The following CSMD1 variants were observed in gnomAD, a reference collection of about 807,000 sequenced individuals.
The protein encoded by CSMD1 is CUB and sushi domain-containing protein 1.
In CSMD1, 213 loss-of-function variants were observed where a neutral mutation model predicts 417.5. The ratio of observed to expected loss-of-function variants is 0.51; its 90% CI spans 0.46 to 0.57. CSMD1 has a LOEUF of 0.57. CSMD1 is among the 20% of genes least tolerant of loss of function. CSMD1 has a pLI of 0.00. For synonymous variants in CSMD1, 2,862 were observed against 1,736.8 expected (o/e 1.65, Z -16.11); for missense variants, 6,923 against 4,529.7 (o/e 1.53, Z -15.17).
intron 2 of CSMD1, among the ~76,000 whole-genome samples, chr8:4,518,050 G>A (rs1354200754): frequency 6.6e-6 from 1 of 152,088 alleles, no homozygotes; most frequent in Non-Finnish European, 1.5e-5. Flanking sequence ...CACAGCTCAC[G>A]GAAAGGTTTA....
intron 4 of CSMD1, among the ~76,000 whole-genome samples, chr8:4,019,810 C>T (rs766319537): frequency 3.5e-4 from 53 of 151,860 alleles, no homozygotes; most frequent in Admixed American, 2.0e-4. Flanking sequence ...CCACACAGGC[C>T]TTTCTTTCAC....
At chr8:4,475,056 G>C (rs983733852) in intron 2 of CSMD1, among the ~76,000 whole-genome samples, 1 of 152,110 alleles carries the variant, frequency 6.6e-6, no homozygotes, top group African/African-American at 2.4e-5. Context: ...CCTAACCTCT[G>C]TGTTATTCAA....
chr8:4,762,746 T>C (rs1331929862), intron 1 of CSMD1, among the ~76,000 whole-genome samples: 1 of 152,128 alleles, frequency 6.6e-6, no homozygotes, highest in Non-Finnish European at 1.5e-5. Context: ...CTCAATTCAG[T>C]GCTCCTGCAG....
chr8:3,630,657 T>C (rs1796736057), intron 7 of CSMD1, among the ~76,000 whole-genome samples: 1 of 152,156 alleles, frequency 6.6e-6, no homozygotes, highest in African/African-American at 2.4e-5. Flanking sequence ...ACAGATTTCA[T>C]TGCGTTCGAG....
chr8:3,052,722 T>A, intron 49 of CSMD1, 75 bp from the exon 50 acceptor site: 1 of 1,029,716 alleles, frequency 9.7e-7, no homozygotes, highest in Non-Finnish European at 1.4e-6. Context: ...ATTGATTGAT[T>A]AATCATTATT....
chr8:3,508,953 C>T (rs1453098339), intron 10 of CSMD1, among the ~76,000 whole-genome samples: 1 of 152,144 alleles, frequency 6.6e-6, no homozygotes. Flanking sequence ...AGTCCTCATG[C>T]TTAGTATTTC....
At chr8:4,501,351 G>C (rs1245397395) in intron 2 of CSMD1, among the ~76,000 whole-genome samples, 2 of 152,146 alleles carry the variant, frequency 1.3e-5, no homozygotes, top group Non-Finnish European at 2.9e-5. Context: ...CTCATTTAAG[G>C]TATTCTTTTT....
intron 1 of CSMD1, among the ~76,000 whole-genome samples, chr8:4,978,719 C>T (rs1457377042): frequency 1.3e-5 from 2 of 152,128 alleles, no homozygotes; most frequent in East Asian, 3.9e-4. Context: ...GAATGGATTA[C>T]TTGAGGTCAG....
At chr8:4,613,066 T>C (rs1262286826) in intron 2 of CSMD1, among the ~76,000 whole-genome samples, 1 of 152,056 alleles carries the variant, frequency 6.6e-6, no homozygotes, top group Non-Finnish European at 1.5e-5. Flanking sequence ...GGTGGCTGGT[T>C]TTCCCTCACT....
intron 18 of CSMD1, among the ~76,000 whole-genome samples, chr8:3,378,765 T>C (rs2116760000): frequency 1.3e-5 from 2 of 152,180 alleles, no homozygotes; most frequent in African/African-American, 4.8e-5. Flanking sequence ...AATAAGCTAT[T>C]TATGACAAAC....
intron 41 of CSMD1, among the ~76,000 whole-genome samples, chr8:3,130,963 C>G (rs1164938236): frequency 1.3e-5 from 2 of 152,212 alleles, no homozygotes. Context: ...TAAAATGTGT[C>G]TAAGGTCATT....
chr8:4,717,328 C>T (rs146195666), intron 1 of CSMD1, among the ~76,000 whole-genome samples: 1,235 of 65,386 alleles, frequency 0.019, 48 homozygotes, highest in African/African-American at 0.17. Flanking sequence ...TATATATATA[C>T]ACACACACAC....
At chr8:4,044,412 C>A (rs1370893938) in intron 3 of CSMD1, among the ~76,000 whole-genome samples, 1 of 152,146 alleles carries the variant, frequency 6.6e-6, no homozygotes, top group African/African-American at 2.4e-5. Context: ...TACTTTGTGT[C>A]ATTCCAAGCT....
intron 9 of CSMD1, 140 bp downstream of exon 9, chr8:3,585,996 C>G (rs1049197376): frequency 2.4e-6 from 2 of 828,430 alleles, no homozygotes; most frequent in Non-Finnish European, 3.6e-6. Flanking sequence ...TGTTATTACC[C>G]ACATCACTAT....
intron 5 of CSMD1, among the ~76,000 whole-genome samples, chr8:3,801,374 A>G (rs1356201828): frequency 2.0e-5 from 3 of 152,174 alleles, no homozygotes; most frequent in Non-Finnish European, 4.4e-5. Context: ...AAAGATCATT[A>G]GTCATTTAAG....
chr8:4,384,830 G>C (rs1202329732), intron 3 of CSMD1, among the ~76,000 whole-genome samples: 2 of 152,168 alleles, frequency 1.3e-5, no homozygotes, highest in African/African-American at 2.4e-5. Flanking sequence ...TACCTAATTT[G>C]AGTAGAGAAA....
intron 7 of CSMD1, among the ~76,000 whole-genome samples, chr8:3,687,302 G>A (rs748242068): frequency 6.6e-6 from 1 of 152,172 alleles, no homozygotes; most frequent in Non-Finnish European, 1.5e-5. Flanking sequence ...CATGTATGAT[G>A]GATGAAAAGG....
intron 11 of CSMD1, among the ~76,000 whole-genome samples, chr8:3,478,845 C>T (rs938966211): frequency 6.6e-6 from 1 of 152,154 alleles, no homozygotes; most frequent in South Asian, 2.1e-4. Flanking sequence ...AAGAGGGATG[C>T]AGCTATATAA....
At chr8:4,438,317 C>G (rs892382642) in intron 2 of CSMD1, among the ~76,000 whole-genome samples, 6 of 152,172 alleles carry the variant, frequency 3.9e-5, no homozygotes, top group Non-Finnish European at 5.9e-5. Context: ...GTGTCTGAAG[C>G]AGCACCAAAT....
Sources: gnomAD v4.1 joint callset for allele counts (sites outside exome capture counted in the v4.1 genomes callset) on GRCh38, gnomAD v4.1.1 for gene constraint, MANE v1.5 for transcripts, NCBI Gene and HGNC (gene_info 2026-07-23, HGNC 2026-07-21) for gene names.